Variants in GIMAP7 observed in about 807,000 individuals in gnomAD.
GIMAP7 encodes the protein GTPase, IMAP family member 7.
For missense variants in GIMAP7, 323 were observed against 359.7 expected (o/e 0.90, Z 0.83); for synonymous variants, 137 against 129.3 (o/e 1.06, Z -0.40).
At chr7:150,517,798 A>G (rs1247410552) in intron 1 of GIMAP7, among the ~76,000 whole-genome samples, 1 of 152,132 alleles carries the variant, frequency 6.6e-6, no homozygotes, top group Non-Finnish European at 1.5e-5. Context: ...CAAATTTGCA[A>G]AAACAAAGGA....
chr7:150,515,357 G>C (rs573070725), intron 1 of GIMAP7, among the ~76,000 whole-genome samples: 19 of 152,268 alleles, frequency 1.2e-4, no homozygotes, highest in African/African-American at 4.1e-4. Context: ...GATTCTCCAA[G>C]GGGTACCCAG....
Position 150,520,318 on chromosome 7 carries a change from T to G in GIMAP7, c.344T>G (p.Ile115Ser). ...TEEEQKTVAL[I>S]KAVFGKSAMK... ...GAGGAGCAGAAAACCGTTGCATTGA[T>G]CAAGGCTGTCTTTGGGAAGTCAGCC... The change falls in exon 2 of 2, where the codon ATC becomes AGC. Residue 115 changes from isoleucine to serine, a missense_variant. Physicochemically the swap from Ile to Ser is moderately radical, Grantham distance 142 (BLOSUM62 -2). Coordinates refer to ENST00000313543, the MANE Select transcript of GIMAP7 (RefSeq NM_153236.4). 6.2e-7 allele frequency: 1 copy of G among 1,614,192 alleles called. No homozygotes were observed. Among genetic ancestry groups the G allele is most frequent in the Non-Finnish European group, 8.5e-7 (1 of 1,180,034 alleles).
Position 150,520,711 on chromosome 7 carries a change from AG to A in GIMAP7, c.739del (p.Glu247ArgfsTer7). 3.2e-6 allele frequency: 5 copies of A among 1,547,168 alleles called. No homozygotes were observed. Among genetic ancestry groups the A allele is most frequent in the Non-Finnish European group, 4.4e-6 (5 of 1,135,374 alleles). ...GATAAGCATAAATCAGAGGAAGAAAAGGAGAAAGAAATTAAATTACTAAAAT... is the reference window on the plus strand; with the variant it reads ...GATAAGCATAAATCAGAGGAAGAAAAGAGAAAGAAATTAAATTACTAAAAT... Reference protein sequence around the residue: ...EEDKHKSEEEKEKEIKLLKLK... With the variant: ...EEDKHKSEEEXEKEIKLLKLK... On this transcript the variant is annotated frameshift_variant, in exon 2 of 2. Transcript: ENST00000313543. LOFTEE classifies it low-confidence loss of function (END_TRUNC).
intron 1 of GIMAP7, among the ~76,000 whole-genome samples, chr7:150,515,841 C>T (rs1020627355): frequency 6.6e-6 from 1 of 152,178 alleles, no homozygotes; most frequent in African/African-American, 2.4e-5. Context: ...GCGGAGCCCT[C>T]CTCACGGTTC....
At position 150,520,701 on chromosome 7, in the gene GIMAP7, G is replaced by C; in HGVS notation, c.727G>C (p.Glu243Gln). 1 of 1,562,504 alleles carries C rather than the reference G, an allele frequency of 6.4e-7. No individual in the cohort carries two copies. Among genetic ancestry groups the C allele is most frequent in the Non-Finnish European group, 8.7e-7 (1 of 1,147,046 alleles). ...AGTAGAAGAGGATAAGCATAAATCA[G>C]AGGAAGAAAAGGAGAAAGAAATTAA... ...KLVEEDKHKS[E>Q]EEKEKEIKLL... Residue 243 changes from glutamate (E) to glutamine (Q), a missense_variant, in exon 2 of 2, where the codon GAG becomes CAG. Coordinates refer to ENST00000313543, the MANE Select transcript of GIMAP7 (RefSeq NM_153236.4).
In GIMAP7 at chr7:150,520,001, G is replaced by A. The variant is rs7800829; in HGVS notation, c.27G>A (p.Leu9=). The change falls in exon 2 of 2, where the codon CTG becomes CTA. Residue 9 remains leucine, a synonymous_variant. Coordinates refer to ENST00000313543, the MANE Select transcript of GIMAP7 (RefSeq NM_153236.4). The part of the protein sequence containing the change: MAESEDRS[L]RIVLVGKTGS... ...TGGCTGAGAGTGAGGACCGCTCCCT[G>A]AGGATCGTTCTGGTAGGGAAAACTG... 0.1 allele frequency: 166,988 copies of A among 1,613,850 alleles called. 15,311 individuals carry two copies. Among genetic ancestry groups the A allele is most frequent in the African/African-American group, 0.41 (30,469 of 74,870 alleles).
chr7:150,519,114 T>C (rs565634990), intron 1 of GIMAP7, among the ~76,000 whole-genome samples: 1 of 152,312 alleles, frequency 6.6e-6, no homozygotes, highest in East Asian at 1.9e-4. Context: ...GCTTTAATTA[T>C]AGAGATTATA....
Position 150,520,806 on chromosome 7 carries a change from A to C in GIMAP7, c.832A>C (p.Asn278His), listed in dbSNP as rs1025822331. 1 of 1,530,974 alleles carries C rather than the reference A, an allele frequency of 6.5e-7. No individual in the cohort carries two copies. The highest frequency in any genetic ancestry group is 1.4e-5 in the African/African-American group (1 of 71,792). The allele number at this position is 1,530,974 out of a possible 1,614,324, so 94.8% of individuals were successfully genotyped here. Residue 278 changes from asparagine (N) to histidine (H), a missense_variant, in exon 2 of 2, where the codon AAT (asparagine) becomes CAT (histidine). Transcript: ENST00000313543. ...GAGAAATATATTTAAAGATGTTTTT[A>C]ATAGGATTTGGAAGATGCTTTCAGA... ...AERNIFKDVF[N>H]RIWKMLSEIW...
At chr7:150,517,583 TAC>T (rs562025583) in intron 1 of GIMAP7, among the ~76,000 whole-genome samples, 27 of 149,544 alleles carry the variant, frequency 1.8e-4, no homozygotes, top group Admixed American at 1.3e-3. Flanking sequence ...TTCAAAACAG[TAC>T]ACACACACAC....
intron 1 of GIMAP7, among the ~76,000 whole-genome samples, chr7:150,518,092 A>G (rs897631287): frequency 1.3e-5 from 2 of 151,920 alleles, no homozygotes; most frequent in Non-Finnish European, 2.9e-5. Context: ...TCCTTTTTGC[A>G]GTTGGATTGT....
Position 150,520,358 on chromosome 7 carries a change from C to T in GIMAP7, c.384C>T (p.Val128=). The T allele has an allele frequency of 6.2e-7, 1 of 1,614,206 alleles. No individual in the cohort carries two copies. Among genetic ancestry groups the T allele is most frequent in the Non-Finnish European group, 8.5e-7 (1 of 1,180,046 alleles). ...GGAAGTCAGCCATGAAGCACATGGT[C>T]ATCTTGTTCACTCGCAAAGAAGAGT... The part of the protein sequence containing the change: ...VFGKSAMKHM[V]ILFTRKEELE... Residue 128 remains valine, a synonymous_variant, in exon 2 of 2, where the codon GTC becomes GTT. Transcript: ENST00000313543.
chr7:150,520,823 G>T lies in GIMAP7; in HGVS notation c.849G>T (p.Met283Ile). 6.6e-7 allele frequency: 1 copy of T among 1,507,288 alleles called. No homozygotes were observed. Among genetic ancestry groups the T allele is most frequent in the Non-Finnish European group, 8.9e-7 (1 of 1,127,288 alleles). The allele number at this position is 1,507,288 out of a possible 1,614,324, so 93.4% of individuals were successfully genotyped here. The change falls in exon 2 of 2, where the codon ATG (methionine) becomes ATT (isoleucine). Residue 283 changes from methionine (M) to isoleucine (I), a missense_variant. Met to Ile is a conservative substitution (Grantham distance 10). Coordinates refer to ENST00000313543, the MANE Select transcript of GIMAP7 (RefSeq NM_153236.4). ...ATGTTTTTAATAGGATTTGGAAGATGCTTTCAGAAATATGGCATAGGTTTT... is the reference window on the plus strand; with the variant it reads ...ATGTTTTTAATAGGATTTGGAAGATTCTTTCAGAAATATGGCATAGGTTTT... ...FKDVFNRIWKMLSEIWHRFLS... is the reference protein window; with the variant it reads ...FKDVFNRIWKILSEIWHRFLS...
rs1250803243 is a variant in GIMAP7, at chr7:150,520,934, C to A, written c.*57C>A. The A allele has an allele frequency of 6.1e-6, 5 of 819,288 alleles. No individual in the cohort carries two copies. The African/African-American group carries it at 7.2e-5, about 12-fold the overall frequency. 50.8% of individuals were successfully genotyped at this position (819,288 alleles called of 1,614,324 possible). A position where few individuals can be genotyped will look rare whatever the true frequency, so the allele number is the denominator to read the frequency against. On this transcript the variant is annotated 3_prime_UTR_variant, in exon 2 of 2. Transcript: ENST00000313543. ...TTTTGCAAAGATAGTTAGAGAAATA[C>A]CTCCTTCCCCTTAGCTTTATTAAGG...
intron 1 of GIMAP7, among the ~76,000 whole-genome samples, chr7:150,519,689 G>C (rs1027459419): frequency 6.6e-6 from 1 of 152,132 alleles, no homozygotes; most frequent in Non-Finnish European, 1.5e-5. Flanking sequence ...ATCTTAAAAG[G>C]TTTAATAGAA....
chr7:150,519,910 T>G, intron 1 of GIMAP7, 24 bp from the exon 2 acceptor site: 2 of 1,482,824 alleles, frequency 1.3e-6, no homozygotes, highest in African/African-American at 1.4e-5. Context: ...CTGGCTTTTT[T>G]TCCCCTATCT....
In GIMAP7 at chr7:150,520,047, G is replaced by A. The variant is rs1026187186; in HGVS notation, c.73G>A (p.Ala25Thr). ...GKTGSGKSATANTILGEEIFD... is the reference protein window; with the variant it reads ...GKTGSGKSATTNTILGEEIFD... ...AACTGGAAGTGGGAAAAGTGCAACA[G>A]CGAACACCATCCTTGGAGAGGAAAT... Residue 25 changes from alanine to threonine, a missense_variant, in exon 2 of 2, where the codon GCG becomes ACG. Coordinates refer to ENST00000313543, the MANE Select transcript of GIMAP7 (RefSeq NM_153236.4). 1 of 1,614,056 alleles carries A rather than the reference G, an allele frequency of 6.2e-7. No homozygotes were observed. Among genetic ancestry groups the A allele is most frequent in the African/African-American group, 1.3e-5 (1 of 74,916 alleles).
chr7:150,517,409 T>G (rs1795145575), intron 1 of GIMAP7, among the ~76,000 whole-genome samples: 1 of 152,174 alleles, frequency 6.6e-6, no homozygotes. Context: ...ATGAAAGATG[T>G]TGTAGGCTAA....
chr7:150,519,174 G>T (rs1232219729), intron 1 of GIMAP7, among the ~76,000 whole-genome samples: 1 of 151,982 alleles, frequency 6.6e-6, no homozygotes, highest in East Asian at 1.9e-4. Context: ...TCTTTTCCTT[G>T]ATTGTCTAGG....
intron 1 of GIMAP7, among the ~76,000 whole-genome samples, chr7:150,517,096 A>T (rs376014531): frequency 6.6e-6 from 1 of 152,216 alleles, no homozygotes; most frequent in Non-Finnish European, 1.5e-5. Flanking sequence ...TGTGAGATAT[A>T]GTTAAAAGAT....
Sources: gnomAD v4.1 joint callset for allele counts (sites outside exome capture counted in the v4.1 genomes callset) on GRCh38, gnomAD v4.1.1 for gene constraint, MANE v1.5 for transcripts, NCBI Gene and HGNC (gene_info 2026-07-23, HGNC 2026-07-21) for gene names.